Variants in MINPP1 observed in about 807,000 individuals in gnomAD.
The protein encoded by MINPP1 is multiple inositol-polyphosphate phosphatase 1.
In MINPP1, 28 loss-of-function variants were observed where a neutral mutation model predicts 46.1. The observed-to-expected ratio is 0.61, with a 90% CI of 0.45 to 0.83. The LOEUF (loss-of-function observed/expected upper bound fraction) is 0.83. MINPP1 is among the 40% of genes least tolerant of loss of function. MINPP1 has a pLI of 0.00. For missense variants in MINPP1, 603 were observed against 610.0 expected, an observed-to-expected ratio of 0.99 and a Z score of 0.12; for synonymous variants, 268 against 249.1, an observed-to-expected ratio of 1.08 and a Z score of -0.72.
intron 3 of MINPP1, among the ~76,000 whole-genome samples, chr10:87,520,438 C>T (rs1342744889): frequency 6.6e-6 from 1 of 152,040 alleles, no homozygotes; most frequent in Non-Finnish European, 1.5e-5. Context: ...AATGTCTATA[C>T]CAATATACAT....
intron 4 of MINPP1, among the ~76,000 whole-genome samples, chr10:87,536,467 A>G (rs2131831796): frequency 6.6e-6 from 1 of 151,620 alleles, no homozygotes; most frequent in Admixed American, 6.5e-5. Context: ...CAATTTGGTC[A>G]GTTTTTACAT....
intron 4 of MINPP1, among the ~76,000 whole-genome samples, chr10:87,532,629 G>A (rs1851676104): frequency 6.6e-6 from 1 of 152,180 alleles, no homozygotes; most frequent in African/African-American, 2.4e-5. Context: ...TTATTTTGCT[G>A]AATTAAGATT....
chr10:87,545,398 C>A (rs1851872422), intron 4 of MINPP1, among the ~76,000 whole-genome samples: 1 of 151,224 alleles, frequency 6.6e-6, no homozygotes, highest in Admixed American at 6.6e-5. Flanking sequence ...GTGATTTATA[C>A]ATATGTCTTG....
intron 2 of MINPP1, among the ~76,000 whole-genome samples, chr10:87,512,170 A>G (rs923690090): frequency 6.6e-6 from 1 of 152,160 alleles, no homozygotes; most frequent in African/African-American, 2.4e-5. Flanking sequence ...CAGTGTTTTT[A>G]TTTACTAACA....
chr10:87,533,922 G>A (rs73344293), intron 4 of MINPP1, among the ~76,000 whole-genome samples: 7,218 of 151,972 alleles, frequency 0.047, 200 homozygotes, highest in Middle Eastern at 0.086. Context: ...AGAAATGTAC[G>A]CCAATTCTAG....
intron 3 of MINPP1, among the ~76,000 whole-genome samples, chr10:87,514,316 CTAT>C (rs1469994478): frequency 3.3e-5 from 5 of 152,264 alleles, no homozygotes; most frequent in South Asian, 4.1e-4. Context: ...ATACAGAATA[CTAT>C]AGTTCATATT....
chr10:87,532,436 A>G (rs1851673794), intron 4 of MINPP1, among the ~76,000 whole-genome samples: 1 of 152,266 alleles, frequency 6.6e-6, no homozygotes, highest in African/African-American at 2.4e-5. Context: ...CAATGTAAGA[A>G]GTTGAAAGAG....
intron 1 of MINPP1, chr10:87,507,852 G>T: frequency 9.4e-7 from 1 of 1,060,928 alleles, no homozygotes; most frequent in Non-Finnish European, 1.1e-6. Context: ...GCTGCTGTCA[G>T]TAGTTTTTGT....
chr10:87,524,459 T>A (rs1851546733), intron 4 of MINPP1, among the ~76,000 whole-genome samples: 1 of 152,252 alleles, frequency 6.6e-6, no homozygotes, highest in East Asian at 1.9e-4. Context: ...AATAACATTC[T>A]TCCACTTTCT....
chr10:87,520,631 A>G (rs112337929), intron 3 of MINPP1, among the ~76,000 whole-genome samples: 15 of 152,018 alleles, frequency 9.9e-5, no homozygotes, highest in African/African-American at 3.6e-4. Context: ...CTTCTTCTTT[A>G]TTCTTTCTTC....
chr10:87,534,609 C>A (rs1851707636), intron 4 of MINPP1, among the ~76,000 whole-genome samples: 2 of 152,104 alleles, frequency 1.3e-5, no homozygotes, highest in Non-Finnish European at 2.9e-5. Context: ...GTTGTCATAT[C>A]TATTCTTGTC....
Position 87,505,796 on chromosome 10 carries a change from G to T in MINPP1, c.637+244G>T, listed in dbSNP as rs1170004123. Among the ~76,000 whole-genome samples, 1 of 151,926 alleles carries T rather than the reference G, an allele frequency of 6.6e-6. No individual in the cohort carries two copies. The highest frequency in any genetic ancestry group is 2.4e-5 in the African/African-American group (1 of 41,356). Reference sequence around the variant, plus strand: ...GGTGTAAATTCAGCACCTTGTACTCGCTGCCTGCTTTAGTAGAGTTGGGGA... The same window carrying T: ...GGTGTAAATTCAGCACCTTGTACTCTCTGCCTGCTTTAGTAGAGTTGGGGA... On this transcript the variant is annotated intron_variant, in intron 1 of 4. Coordinates refer to ENST00000371996, the MANE Select transcript of MINPP1 (RefSeq NM_004897.5). The surrounding 1 kb of genome is among the most constrained non-coding windows in gnomAD (Gnocchi z 4.4).
rs139529482 is a variant in MINPP1 at position 87,504,963 on chromosome 10, C to T, written c.48C>T (p.Ala16=). The T allele has an allele frequency of 1.9e-6, 3 of 1,612,024 alleles. No homozygotes were observed. The highest frequency in any genetic ancestry group is 2.5e-6 in the Non-Finnish European group (3 of 1,179,524). The change falls in exon 1 of 5, where the codon GCC becomes GCT. Residue 16 remains alanine (A), a synonymous_variant. Transcript: ENST00000371996. ...TCCTCCGGACCTCCGTAGCGCCTGCCGCGGCCCTGGCTGCGGCGCTGCTCT... is the reference window on the plus strand; with the variant it reads ...TCCTCCGGACCTCCGTAGCGCCTGCTGCGGCCCTGGCTGCGGCGCTGCTCT... ...GCLLRTSVAP[A]AALAAALLSS... is the part of the protein sequence containing the mutation.
At position 87,536,650 on chromosome 10, in the gene MINPP1, C is replaced by T. The variant is rs140489448; in HGVS notation, c.1068-15432C>T. Among the ~76,000 whole-genome samples the T allele has an allele frequency of 5.3e-5, 8 of 152,198 alleles. No individual in the cohort carries two copies. The East Asian group carries it at 1.2e-3, about 22-fold the overall frequency. On this transcript the variant is annotated intron_variant, in intron 4 of 4. Transcript: ENST00000371996. ...TTTCTAGGATTTTATATAATGGAAT[C>T]ATAGTGAATTTTTTTTTGTTGGGCT...
chr10:87,520,936 A>G (rs1015407574), intron 3 of MINPP1, 100 bp from the exon 4 acceptor site: 19 of 633,570 alleles, frequency 3.0e-5, no homozygotes, highest in Middle Eastern at 4.4e-4. Flanking sequence ...GCAGAATGGT[A>G]ATTAAACATT....
At chr10:87,522,885 A>G (rs557680973) in intron 4 of MINPP1, among the ~76,000 whole-genome samples, 29 of 152,322 alleles carry the variant, frequency 1.9e-4, no homozygotes, top group South Asian at 1.0e-3. Context: ...ATTGGAGTCA[A>G]TCCTCTCAAA....
intron 4 of MINPP1, among the ~76,000 whole-genome samples, chr10:87,543,712 A>T (rs1026518392): frequency 1.3e-5 from 2 of 152,214 alleles, no homozygotes; most frequent in Non-Finnish European, 2.9e-5. Context: ...TTAAAAATAA[A>T]TTTTTTAAAA....
rs1851234784 is a variant in MINPP1 at position 87,505,605 on chromosome 10, TGC to T, written c.637+54_637+55del. The T allele has an allele frequency of 6.5e-7, 1 of 1,530,868 alleles. No homozygotes were observed. Among genetic ancestry groups the T allele is most frequent in the South Asian group, 1.2e-5 (1 of 84,520 alleles). The allele number at this position is 1,530,868 out of a possible 1,614,324, so 94.8% of individuals were successfully genotyped here. A position where few individuals can be genotyped will look rare whatever the true frequency, so the allele number is the denominator to read the frequency against. Reference sequence around the variant, plus strand: ...TCCCGGTCCTCCCACCCGCCCTGGATGCTCTCCCGCCTCCCCCAGACCCTGGG... The same window carrying T: ...TCCCGGTCCTCCCACCCGCCCTGGATTCTCCCGCCTCCCCCAGACCCTGGG... On this transcript the variant is annotated intron_variant, in intron 1 of 4. Coordinates refer to ENST00000371996, the MANE Select transcript of MINPP1 (RefSeq NM_004897.5). The surrounding 1 kb of genome is among the most constrained non-coding windows in gnomAD (Gnocchi z 4.4).
chr10:87,541,396 T>C (rs1035867952), intron 4 of MINPP1, among the ~76,000 whole-genome samples: 13 of 152,244 alleles, frequency 8.5e-5, no homozygotes, highest in African/African-American at 1.4e-4. Flanking sequence ...TTGAACCATA[T>C]AGTTTAAAAT....
Sources: gnomAD v4.1 joint callset for allele counts (sites outside exome capture counted in the v4.1 genomes callset) on GRCh38, gnomAD v4.1.1 for gene constraint, Gnocchi (gnomAD v3.1) non-coding constraint, MANE v1.5 for transcripts, NCBI Gene and HGNC (gene_info 2026-07-23, HGNC 2026-07-21) for gene names.